Variants in SNX29 observed in about 807,000 individuals in gnomAD.
The protein encoded by SNX29 is sorting nexin 29, also known as sorting nexin-29.
In SNX29, 78 loss-of-function variants were observed where a neutral mutation model predicts 102.1. The ratio of observed to expected loss-of-function variants is 0.76; its 90% CI spans 0.64 to 0.92. The LOEUF is 0.92. Ranked by LOEUF, SNX29 falls within the 40% of genes least tolerant of loss-of-function variation. The pLI is 0.00. For missense variants in SNX29, 1,280 were observed against 1,061.7 expected (o/e 1.21, Z -2.86); for synonymous variants, 580 against 414.5 (o/e 1.40, Z -4.85).
intron 18 of SNX29, among the ~76,000 whole-genome samples, chr16:12,412,243 T>A (rs1294024518): frequency 6.6e-6 from 1 of 152,198 alleles, no homozygotes; most frequent in Non-Finnish European, 1.5e-5. Context: ...ATGATCCCCA[T>A]CTTATAGATG....
chr16:12,555,428 A>G (rs151264635), intron 20 of SNX29, among the ~76,000 whole-genome samples: 1 of 152,070 alleles, frequency 6.6e-6, no homozygotes, highest in African/African-American at 2.4e-5. Flanking sequence ...GTTGCTTTGT[A>G]GGAGACACTC....
In SNX29 at chr16:12,398,569, A is replaced by G. The variant is rs1052864573; in HGVS notation, c.1955+68A>G. The stretch of plus-strand genomic sequence containing the variant: ...GGACTCTGTTGTTGGCTTCTGTCCC[A>G]GAAGACCACAGGGGGAAACAGAAAT... On this transcript the variant is annotated intron_variant, in intron 17 of 20. Transcript: ENST00000566228. 2.6e-6 allele frequency: 4 copies of G among 1,550,618 alleles called. No individual in the cohort carries two copies. The African/African-American group carries it at 4.1e-5, about 16-fold the overall frequency.
At position 12,466,203 on chromosome 16, in the gene SNX29, TTCTC is replaced by T. The variant is rs530624968; in HGVS notation, c.2038-11512_2038-11509del. Among the ~76,000 whole-genome samples, 333 of 152,302 alleles carry T rather than the reference TTCTC, an allele frequency of 2.2e-3. 3 individuals carry two copies. The highest frequency in any genetic ancestry group is 7.5e-3 in the African/African-American group (310 of 41,564). On this transcript the variant is annotated intron_variant, in intron 18 of 20. Transcript: ENST00000566228. Reference sequence around the variant, plus strand: ...CCAAATTGGAAAAGCAGAAGTTAAATTCTCTCTATTTGCAGATGATATCATGTCA... The same window carrying T: ...CCAAATTGGAAAAGCAGAAGTTAAATTCTATTTGCAGATGATATCATGTCA...
chr16:12,479,009 G>A (rs1292045361), intron 19 of SNX29, among the ~76,000 whole-genome samples: 3 of 152,158 alleles, frequency 2.0e-5, no homozygotes, highest in Admixed American at 6.5e-5. Context: ...GTAAGACATC[G>A]GGCATTGTAT....
intron 11 of SNX29, among the ~76,000 whole-genome samples, chr16:12,117,238 A>G (rs375486387): frequency 2.2e-4 from 30 of 136,054 alleles, no homozygotes; most frequent in Non-Finnish European, 3.2e-4. Context: ...ACGTGCTTCA[A>G]TGCGGACGAA....
intron 9 of SNX29, among the ~76,000 whole-genome samples, chr16:12,062,478 C>T (rs912823748): frequency 3.9e-5 from 6 of 152,068 alleles, no homozygotes; most frequent in South Asian, 2.1e-4. Flanking sequence ...AGCACGTGCC[C>T]GTGTGGTTTG....
intron 20 of SNX29, among the ~76,000 whole-genome samples, chr16:12,555,114 G>C (rs58528663): frequency 2.4e-5 from 3 of 122,516 alleles, no homozygotes; most frequent in Non-Finnish European, 6.4e-5. Context: ...GACAATCTCA[G>C]AGTATCAAAA....
intron 20 of SNX29, among the ~76,000 whole-genome samples, chr16:12,548,421 C>A (rs949163245): frequency 1.3e-5 from 2 of 152,302 alleles, no homozygotes; most frequent in East Asian, 3.9e-4. Flanking sequence ...TCTGGCTCCC[C>A]ACTGTGCCAC....
intron 11 of SNX29, among the ~76,000 whole-genome samples, chr16:12,080,927 C>T (rs775735594): frequency 7.9e-5 from 12 of 152,030 alleles, no homozygotes; most frequent in South Asian, 2.1e-4. Context: ...CATGATCTGC[C>T]GGTCTCAGCC....
intron 18 of SNX29, among the ~76,000 whole-genome samples, chr16:12,454,996 C>T (rs2086473296): frequency 6.6e-6 from 1 of 152,180 alleles, no homozygotes; most frequent in Non-Finnish European, 1.5e-5. Flanking sequence ...GATCCACCCG[C>T]CTCGGCCTCC....
intron 18 of SNX29, among the ~76,000 whole-genome samples, chr16:12,425,781 G>A (rs994414268): frequency 1.3e-5 from 2 of 152,102 alleles, no homozygotes; most frequent in Non-Finnish European, 2.9e-5. Flanking sequence ...ATTCCTCTCG[G>A]AATTCCTCTC....
chr16:12,398,512 A>T lies in SNX29; in HGVS notation c.1955+11A>T. 6.2e-7 allele frequency: 1 copy of T among 1,613,966 alleles called. No homozygotes were observed. Among genetic ancestry groups the T allele is most frequent in the Non-Finnish European group, 8.5e-7 (1 of 1,179,850 alleles). On this transcript the variant is annotated intron_variant, in intron 17 of 20. Coordinates refer to ENST00000566228, the MANE Select transcript of SNX29 (RefSeq NM_032167.5). The stretch of plus-strand genomic sequence containing the variant: ...GTCGGATTTTGAAATGTAAGTCCAC[A>T]GCCTGTGCTCACAAGGGGTCCTTTA...
chr16:12,514,341 T>C (rs2089767423), intron 19 of SNX29, among the ~76,000 whole-genome samples: 1 of 152,104 alleles, frequency 6.6e-6, no homozygotes, highest in South Asian at 2.1e-4. Context: ...GCGCCTCTGC[T>C]CCTGAATCTT....
intron 13 of SNX29, among the ~76,000 whole-genome samples, chr16:12,146,109 G>A (rs2141546395): frequency 6.6e-6 from 1 of 152,302 alleles, no homozygotes; most frequent in East Asian, 1.9e-4. Context: ...AGGGTACTTG[G>A]TGGTTTCCAC....
At chr16:12,188,844 C>G (rs2076575910) in intron 13 of SNX29, among the ~76,000 whole-genome samples, 1 of 152,188 alleles carries the variant, frequency 6.6e-6, no homozygotes, top group African/African-American at 2.4e-5. Flanking sequence ...GAATTTGAGT[C>G]CCCTGGCAGC....
At chr16:12,535,161 CAG>C (rs1323464886) in intron 20 of SNX29, among the ~76,000 whole-genome samples, 2 of 152,168 alleles carry the variant, frequency 1.3e-5, no homozygotes, top group Admixed American at 6.5e-5. Context: ...TTCTTTGAGA[CAG>C]AGTCTCACTC....
chr16:12,058,960 T>G (rs1211279657), intron 8 of SNX29, among the ~76,000 whole-genome samples: 2 of 151,854 alleles, frequency 1.3e-5, no homozygotes, highest in African/African-American at 4.8e-5. Flanking sequence ...ACCTGGCTAA[T>G]TTTTAAATTT....
chr16:12,491,996 G>C (rs1166824854), intron 19 of SNX29, among the ~76,000 whole-genome samples: 2 of 152,172 alleles, frequency 1.3e-5, no homozygotes, highest in East Asian at 3.8e-4. Context: ...ACATACGTGT[G>C]CGTGTGTCTT....
chr16:12,535,993 A>C (rs2077066756), intron 20 of SNX29, among the ~76,000 whole-genome samples: 1 of 152,044 alleles, frequency 6.6e-6, no homozygotes, highest in African/African-American at 2.4e-5. Context: ...GGTCTTTGAT[A>C]CCTGTTCGAC....
Sources: allele counts gnomAD v4.1 joint callset (sites outside exome capture counted in the v4.1 genomes callset), GRCh38; gene constraint gnomAD v4.1.1; transcripts MANE v1.5; gene names NCBI Gene and HGNC (gene_info 2026-07-23, HGNC 2026-07-21).